ZFC3H1: variants seen among roughly 807,000 people sequenced by gnomAD.
ZFC3H1 encodes zinc finger C3H1-type containing, also known as zinc finger C3H1 domain-containing protein.
ZFC3H1 carries 71 observed loss-of-function variants against 243.7 expected under a neutral mutation model. That is an observed-to-expected ratio of 0.29 (90% CI 0.24 to 0.36). The LOEUF (loss-of-function observed/expected upper bound fraction) is 0.36, where lower values mean the gene tolerates loss of function less well. Ranked by LOEUF, ZFC3H1 falls within the 10% of genes least tolerant of loss-of-function variation. The probability of loss-of-function intolerance (pLI) is 1.00; values close to 1 mark genes in which losing one functional copy is unlikely to be tolerated. For missense variants in ZFC3H1, 1,966 were observed against 2,317.1 expected, an observed-to-expected ratio of 0.85 and a Z score of 3.11; for synonymous variants, 838 against 813.0, an observed-to-expected ratio of 1.03 and a Z score of -0.52.
intron 6 of ZFC3H1, chr12:71,639,288 C>T (rs1226508481): frequency 6.3e-6 from 1 of 157,810 alleles, no homozygotes; most frequent in East Asian, 1.9e-4. Context: ...TTATTATCCA[C>T]ATGCCTTATA....
chr12:71,643,535 T>A (rs1480625219), intron 5 of ZFC3H1, among the ~76,000 whole-genome samples: 8 of 152,194 alleles, frequency 5.3e-5, no homozygotes, highest in Non-Finnish European at 8.8e-5. Flanking sequence ...TTCTCAAGTA[T>A]ACTCTTTTTG....
chr12:71,645,867 A>G (rs1016077339), intron 3 of ZFC3H1, among the ~76,000 whole-genome samples: 1 of 152,204 alleles, frequency 6.6e-6, no homozygotes, highest in Non-Finnish European at 1.5e-5. Context: ...CAGGCTCCCT[A>G]GAGGTTTTTA....
At chr12:71,624,663 A>C (rs1178346572) in intron 22 of ZFC3H1, among the ~76,000 whole-genome samples, 2 of 152,182 alleles carry the variant, frequency 1.3e-5, no homozygotes, top group Admixed American at 6.5e-5. Flanking sequence ...ACTGTATAAA[A>C]GTTTTGAGAA....
At chr12:71,656,130 C>T (rs143506840) in intron 2 of ZFC3H1, among the ~76,000 whole-genome samples, 5 of 152,128 alleles carry the variant, frequency 3.3e-5, no homozygotes, top group African/African-American at 9.6e-5. Context: ...GGCTGAGGGA[C>T]GGGATAACTA....
intron 20 of ZFC3H1, among the ~76,000 whole-genome samples, 179 bp downstream of exon 20, chr12:71,628,739 T>G (rs1416605160): frequency 6.6e-6 from 1 of 152,156 alleles, no homozygotes; most frequent in Non-Finnish European, 1.5e-5. Context: ...TCCCGCAATT[T>G]CAGAGGCAAT....
intron 9 of ZFC3H1, 104 bp downstream of exon 9, chr12:71,636,384 ATG>A (rs1880461935): frequency 2.2e-6 from 2 of 898,990 alleles, no homozygotes; most frequent in East Asian, 5.8e-5. Context: ...ATGTGAATAT[ATG>A]TGTGTATATA....
At position 71,657,235 on chromosome 12, in the gene ZFC3H1, T is replaced by C; in HGVS notation, c.665A>G (p.Glu222Gly). ...TAAAAGCAAATCTTCAAAAGTTTCT[T>C]CCACACAGTTTTCATTTTTTGATGA... ...NYSSKNENCVEETFEDLLLKY... is the reference protein window; with the variant it reads ...NYSSKNENCVGETFEDLLLKY... The change falls in exon 2 of 35, where the codon GAA (glutamate) becomes GGA (glycine). Residue 222 changes from glutamate to glycine, a missense_variant. By Grantham distance (98) the Glu-to-Gly change is moderately conservative. This residue lies in a region of ZFC3H1 where 484 missense variants were observed against 449.7 expected (regional missense o/e 1.08). Transcript: ENST00000378743. 3 of 1,598,746 alleles carry C rather than the reference T, an allele frequency of 1.9e-6. No homozygotes were observed. The highest frequency in any genetic ancestry group is 1.1e-5 in the South Asian group (1 of 87,298).
chr12:71,610,588 GAAGT>G (rs1399034204), intron 34 of ZFC3H1, 23 bp from the exon 35 acceptor site: 3 of 1,612,688 alleles, frequency 1.9e-6, no homozygotes, highest in Non-Finnish European at 2.5e-6. Context: ...GGGAAGCATA[GAAGT>G]AAGACTTAGC....
chr12:71,662,645 T>C (rs905607362), intron 1 of ZFC3H1, among the ~76,000 whole-genome samples: 1 of 152,222 alleles, frequency 6.6e-6, no homozygotes, highest in Non-Finnish European at 1.5e-5. Flanking sequence ...TTAAACTGTT[T>C]ATGAATATTT....
intron 27 of ZFC3H1, among the ~76,000 whole-genome samples, chr12:71,616,613 A>G (rs1169050478): frequency 6.6e-6 from 1 of 152,212 alleles, no homozygotes; most frequent in Non-Finnish European, 1.5e-5. Flanking sequence ...ATTTGTGTGT[A>G]TGATACTTAC....
At chr12:71,656,762 T>C (rs748406259) in intron 2 of ZFC3H1, 123 bp downstream of exon 2, 63 of 1,014,872 alleles carry the variant, frequency 6.2e-5, no homozygotes, top group Non-Finnish European at 4.8e-5. Flanking sequence ...AATGTCTACA[T>C]AGAAAGTACA....
rs1880668958 is a variant in ZFC3H1, at chr12:71,644,190, CCT to C, written c.1406_1407del (p.Glu469GlyfsTer32). 2 of 1,611,314 alleles carry C rather than the reference CCT, an allele frequency of 1.2e-6. No individual in the cohort carries two copies. Among genetic ancestry groups the C allele is most frequent in the Non-Finnish European group, 1.7e-6 (2 of 1,177,868 alleles). On this transcript the variant is annotated frameshift_variant, in exon 5 of 35. Coordinates refer to ENST00000378743, the MANE Select transcript of ZFC3H1 (RefSeq NM_144982.5). LOFTEE classifies it high-confidence loss of function. ...AGATCTCGAATTTTTCTGATTTCTT[CCT>C]CTCTTTTCCTTCTCTCTTCTTCTTC... The part of the protein sequence containing the change: ...QAEEEERRKR[E>X]EEIRKIRDLS...
At chr12:71,620,579 A>C (rs1565805671) in intron 24 of ZFC3H1, among the ~76,000 whole-genome samples, 1 of 152,164 alleles carries the variant, frequency 6.6e-6, no homozygotes, top group Non-Finnish European at 1.5e-5. Context: ...TGCATCTATC[A>C]GTGTTTTCAT....
At chr12:71,647,201 G>A (rs948268170) in intron 3 of ZFC3H1, among the ~76,000 whole-genome samples, 13 of 152,124 alleles carry the variant, frequency 8.5e-5, no homozygotes, top group African/African-American at 3.1e-4. Context: ...AAATTGAAAA[G>A]GCTTGGGTTA....
Position 71,613,324 on chromosome 12 carries a change from G to C in ZFC3H1, c.5627+11C>G. 1 of 1,599,108 alleles carries C rather than the reference G, an allele frequency of 6.3e-7. No individual in the cohort carries two copies. Among genetic ancestry groups the C allele is most frequent in the Non-Finnish European group, 8.5e-7 (1 of 1,171,480 alleles). On this transcript the variant is annotated intron_variant, in intron 31 of 34. Coordinates refer to ENST00000378743, the MANE Select transcript of ZFC3H1 (RefSeq NM_144982.5). ...AGGCAGAGGACCAAAAGAATGTTAA[G>C]TTTTTCTTACCTCAATGCAAGTCCA...
chr12:71,644,352 G>C (rs768539540), intron 4 of ZFC3H1, 34 bp from the exon 5 acceptor site: 5 of 1,576,514 alleles, frequency 3.2e-6, no homozygotes, highest in Middle Eastern at 1.7e-4. Context: ...ATTAGCATCT[G>C]TTAGGAGATA....
rs539634840 is a variant in ZFC3H1, at chr12:71,657,255, T to G, written c.645A>C (p.Ser215=). The change falls in exon 2 of 35, where the codon TCA becomes TCC. Residue 215 remains serine (S), a synonymous_variant. Coordinates refer to ENST00000378743, the MANE Select transcript of ZFC3H1 (RefSeq NM_144982.5). ...TTTCTTCCACACAGTTTTCATTTTT[T>G]GATGAATAATTTTGTTTTCTTGATG... ...RSPSRKQNYS[S]KNENCVEETF... 3.1e-6 allele frequency: 5 copies of G among 1,587,632 alleles called. No homozygotes were observed. The African/African-American group carries it at 6.8e-5, about 22-fold the overall frequency.
chr12:71,627,742 T>C lies in ZFC3H1; in HGVS notation c.4130+9A>G, dbSNP rs755484250. 3.1e-5 allele frequency: 50 copies of C among 1,600,264 alleles called. No homozygotes were observed. Among genetic ancestry groups the C allele is most frequent in the Non-Finnish European group, 4.2e-5 (49 of 1,174,346 alleles). ...CAACTGTTTACACAAAGATTTGAAG[T>C]TGACCTACCCCTCATTTTGATTCAA... On this transcript the variant is annotated intron_variant, in intron 21 of 34. Transcript: ENST00000378743.
chr12:71,636,418 C>T, intron 9 of ZFC3H1, 72 bp downstream of exon 9: 6 of 1,438,050 alleles, frequency 4.2e-6, no homozygotes, highest in Non-Finnish European at 5.6e-6. Context: ...GGGTAGAAAA[C>T]AGGACAGCTA....
Sources: allele counts gnomAD v4.1 joint callset (sites outside exome capture counted in the v4.1 genomes callset), GRCh38; gene constraint gnomAD v4.1.1; regional missense constraint gnomAD v4.1.1; transcripts MANE v1.5; gene names NCBI Gene and HGNC (gene_info 2026-07-23, HGNC 2026-07-21).